SPON1: variants seen among roughly 807,000 people sequenced by gnomAD.
SPON1 encodes the protein spondin-1.
A neutral mutation model predicts 111.7 loss-of-function variants in SPON1; 52 were observed. The observed-to-expected ratio is 0.47, with a 90% CI of 0.37 to 0.59. SPON1 has a LOEUF of 0.59. Among genes scored for constraint, SPON1 ranks in the 20% least tolerant of loss-of-function variants. The pLI is 0.00. For synonymous variants in SPON1, 410 were observed against 395.8 expected (o/e 1.04, Z -0.43); for missense variants, 957 against 1,068.5 (o/e 0.90, Z 1.46).
intron 2 of SPON1, among the ~76,000 whole-genome samples, chr11:13,990,045 G>A (rs1554910911): frequency 1.3e-5 from 2 of 152,160 alleles, no homozygotes; most frequent in Non-Finnish European, 2.9e-5. Flanking sequence ...GGAGACTTCT[G>A]TAGATGTCTG....
chr11:14,080,019 C>T lies in SPON1; in HGVS notation c.674C>T (p.Pro225Leu), dbSNP rs1554921885. 1.2e-6 allele frequency: 2 copies of T among 1,613,938 alleles called. No homozygotes were observed. Among genetic ancestry groups the T allele is most frequent in the South Asian group, 2.2e-5 (2 of 91,068 alleles). Residue 225 changes from proline to leucine, a missense_variant and splice_region_variant, in exon 5 of 16, where the codon CCT becomes CTT. Physicochemically the swap from Pro to Leu is moderately conservative, Grantham distance 98. Coordinates refer to ENST00000576479, the MANE Select transcript of SPON1 (RefSeq NM_006108.4). The stretch of plus-strand genomic sequence containing the variant: ...GAGAAGACACACCCAAAGGATTACC[C>T]TCGTGAGTAGAGTGGCTACTCTGTG... ...WSEKTHPKDY[P>L]RRANHWSAII...
At chr11:14,168,280 C>T (rs1322976500) in intron 6 of SPON1, among the ~76,000 whole-genome samples, 1 of 152,170 alleles carries the variant, frequency 6.6e-6, no homozygotes, top group Non-Finnish European at 1.5e-5. Flanking sequence ...TCTACATTTT[C>T]AAGACATTTT....
intron 6 of SPON1, among the ~76,000 whole-genome samples, chr11:14,193,450 A>G (rs973932547): frequency 6.6e-6 from 1 of 152,158 alleles, no homozygotes. Context: ...ATGCACACAT[A>G]TATATAAATA....
At chr11:14,108,305 G>A (rs1301093361) in intron 5 of SPON1, among the ~76,000 whole-genome samples, 3 of 151,792 alleles carry the variant, frequency 2.0e-5, no homozygotes, top group Non-Finnish European at 3.0e-5. Context: ...TGGCTATAAT[G>A]TGCTTATTTC....
rs2133793843 is a variant in SPON1, at chr11:14,003,370, G to A, written c.345+20417G>A. ...CTGCACCGAACAGCGAGAGAAAAGGGATGTTCTGCCCAGGCACAAATGCAG... is the reference window on the plus strand; with the variant it reads ...CTGCACCGAACAGCGAGAGAAAAGGAATGTTCTGCCCAGGCACAAATGCAG... On this transcript the variant is annotated intron_variant, in intron 2 of 15. Transcript: ENST00000576479. Among the ~76,000 whole-genome samples, 2 of 152,320 alleles carry A rather than the reference G, an allele frequency of 1.3e-5. 1 individual carries two copies. The highest frequency in any genetic ancestry group is 4.1e-4 in the South Asian group (2 of 4,820).
intron 6 of SPON1, among the ~76,000 whole-genome samples, chr11:14,173,655 G>A (rs1848136736): frequency 2.0e-5 from 3 of 152,100 alleles, no homozygotes; most frequent in East Asian, 1.9e-4. Flanking sequence ...TGATGGTGAC[G>A]TACAGATGGG....
intron 3 of SPON1, among the ~76,000 whole-genome samples, chr11:14,059,516 A>C (rs1554919613): frequency 6.6e-6 from 1 of 152,080 alleles, no homozygotes. Flanking sequence ...AGCACCTACT[A>C]TGTGCCAGGC....
intron 2 of SPON1, among the ~76,000 whole-genome samples, chr11:14,040,805 T>C (rs782210700): frequency 6.6e-6 from 1 of 152,072 alleles, no homozygotes; most frequent in Non-Finnish European, 1.5e-5. Context: ...TTAAAACCAA[T>C]TGGATTTAGA....
chr11:14,034,850 A>G (rs892788159), intron 2 of SPON1, among the ~76,000 whole-genome samples: 3 of 152,206 alleles, frequency 2.0e-5, no homozygotes, highest in Non-Finnish European at 2.9e-5. Context: ...ACTCGATATG[A>G]GTGCCTTTTG....
intron 2 of SPON1, among the ~76,000 whole-genome samples, chr11:13,989,377 G>A (rs1403119513): frequency 2.0e-5 from 3 of 152,132 alleles, no homozygotes; most frequent in East Asian, 3.8e-4. Flanking sequence ...TTGTATTTCT[G>A]TGGGATCAGT....
intron 6 of SPON1, among the ~76,000 whole-genome samples, chr11:14,169,442 G>A (rs1848070653): frequency 6.6e-6 from 1 of 151,734 alleles, no homozygotes; most frequent in African/African-American, 2.4e-5. Flanking sequence ...CTCCCATTCT[G>A]TAGGTTGCCT....
chr11:14,210,689 C>T (rs1264287020), intron 6 of SPON1, among the ~76,000 whole-genome samples: 1 of 152,158 alleles, frequency 6.6e-6, no homozygotes, highest in Non-Finnish European at 1.5e-5. Context: ...GCATGAGCCA[C>T]CGCACCCGGG....
chr11:14,193,823 G>A (rs1554934800), intron 6 of SPON1, among the ~76,000 whole-genome samples: 4 of 152,168 alleles, frequency 2.6e-5, no homozygotes, highest in African/African-American at 9.7e-5. Context: ...AGGGCCACAC[G>A]GTGAGACCTT....
chr11:14,114,084 A>G (rs868953446), intron 5 of SPON1, among the ~76,000 whole-genome samples: 9 of 152,182 alleles, frequency 5.9e-5, no homozygotes, highest in Non-Finnish European at 1.0e-4. Context: ...AAGTTATTAA[A>G]TATTTTTAAA....
chr11:13,991,945 G>A lies in SPON1; in HGVS notation c.345+8992G>A, dbSNP rs191662476. ...TTTCCTCTGGAAGCTTCATCCTAGA[G>A]GGGCACCTGCCAGATGCCAGCCAGA... On this transcript the variant is annotated intron_variant, in intron 2 of 15. Transcript: ENST00000576479. Among the ~76,000 whole-genome samples, 15 of 152,304 alleles carry A rather than the reference G, an allele frequency of 9.8e-5. 1 individual carries two copies. In the East Asian group the frequency reaches 2.7e-3, roughly 28 times the overall value.
chr11:14,265,481 G>A (rs376201838), intron 15 of SPON1, 43 bp from the exon 16 acceptor site: 134 of 1,587,558 alleles, frequency 8.4e-5, no homozygotes, highest in Admixed American at 1.9e-4. Flanking sequence ...TCCCTGTTCC[G>A]TCCCGTTTCT....
In SPON1 at chr11:14,011,741, A is replaced by C. The variant is rs77638352; in HGVS notation, c.345+28788A>C. 5.2e-3 allele frequency among the ~76,000 whole-genome samples: 795 copies of C among 152,238 alleles called. 9 individuals carry two copies. The highest frequency in any genetic ancestry group is 0.018 in the African/African-American group (735 of 41,544). ...GAGAATGTAACTCAGTGAGGATCTG[A>C]TGGACAAATAAAAGTTAGAGAGTGG... On this transcript the variant is annotated intron_variant, in intron 2 of 15. Transcript: ENST00000576479.
At chr11:14,230,155 G>T (rs56952650) in intron 6 of SPON1, among the ~76,000 whole-genome samples, 2 of 152,032 alleles carry the variant, frequency 1.3e-5, no homozygotes, top group Non-Finnish European at 2.9e-5. Flanking sequence ...TTAAATAGCC[G>T]CATTTAAGAA....
intron 6 of SPON1, among the ~76,000 whole-genome samples, chr11:14,141,293 C>T (rs11023101): frequency 0.18 from 28,081 of 152,114 alleles, 2,698 homozygotes; most frequent in Admixed American, 0.24. Flanking sequence ...GGAGAGAGAA[C>T]TTTTTGTGTC....
Sources: allele counts gnomAD v4.1 joint callset (sites outside exome capture counted in the v4.1 genomes callset), GRCh38; gene constraint gnomAD v4.1.1; transcripts MANE v1.5; gene names NCBI Gene and HGNC (gene_info 2026-07-23, HGNC 2026-07-21).